CDS2: variants seen among roughly 807,000 people sequenced by gnomAD.
CDS2 encodes CDP-diacylglycerol synthase 2.
A neutral mutation model predicts 59.0 loss-of-function variants in CDS2; 47 were observed. The observed-to-expected ratio is 0.80, with a 90% CI of 0.63 to 1.02. The LOEUF is 1.02. Among genes scored for constraint, CDS2 ranks in the 50% least tolerant of loss-of-function variants. CDS2 has a pLI of 0.00. For synonymous variants in CDS2, 207 were observed against 206.4 expected, an observed-to-expected ratio of 1.00 and a Z score of -0.02; for missense variants, 356 against 558.9, an observed-to-expected ratio of 0.64 and a Z score of 3.66.
intron 8 of CDS2, among the ~76,000 whole-genome samples, chr20:5,185,182 A>G (rs1026950977): frequency 2.6e-5 from 4 of 151,714 alleles, no homozygotes; most frequent in African/African-American, 9.7e-5. Flanking sequence ...GCACTATGGG[A>G]TGCTGAGGCA....
In CDS2 at chr20:5,173,537, A is replaced by C; in HGVS notation, c.72A>C (p.Glu24Asp). The change falls in exon 2 of 13, where the codon GAA becomes GAC. Residue 24 changes from glutamate to aspartate, a missense_variant. Around this residue, in one of 5 missense-constraint regions of CDS2, gnomAD observed 107 missense variants for 129.7 expected, o/e 0.82. Transcript: ENST00000460006. ...APPEDKESES[E>D]AKVDGETASD... ...CTGCCACTTAGGAGTCAGAGTCAGA[A>C]GCAAAGGTAGATGGAGAGACTGCAT... The C allele has an allele frequency of 6.2e-7, 1 of 1,614,184 alleles. No homozygotes were observed. Among genetic ancestry groups the C allele is most frequent in the Non-Finnish European group, 8.5e-7 (1 of 1,180,000 alleles).
rs954832143 is a variant in CDS2, at chr20:5,194,084, C to T, written c.*3850C>T. 2.0e-5 allele frequency: 3 copies of T among 152,240 alleles called. No individual in the cohort carries two copies. Among genetic ancestry groups the T allele is most frequent in the South Asian group, 2.1e-4 (1 of 4,830 alleles). The allele number at this position is 152,240 out of a possible 1,614,324, so 9.4% of individuals were successfully genotyped here. A position where few individuals can be genotyped will look rare whatever the true frequency, so the allele number is the denominator to read the frequency against. The stretch of plus-strand genomic sequence containing the variant: ...GGACTCTCACTTGTGCTTTGGAACA[C>T]TGGACTCCAAAGAGCAGGTGGAACA... On this transcript the variant is annotated 3_prime_UTR_variant, in exon 13 of 13. Transcript: ENST00000460006.
In CDS2 at chr20:5,135,806, T is replaced by C. The variant is rs553018829; in HGVS notation, c.57+8657T>C. Among the ~76,000 whole-genome samples the C allele has an allele frequency of 6.6e-5, 10 of 152,340 alleles. No homozygotes were observed. The South Asian group carries it at 1.2e-3, about 19-fold the overall frequency. On this transcript the variant is annotated intron_variant, in intron 1 of 12. Coordinates refer to ENST00000460006, the MANE Select transcript of CDS2 (RefSeq NM_003818.4). ...TAGGCAGTCTGTGGTGCAGAATTTG[T>C]AGGCAGCAAAGGGTATTCTGTGAAG...
rs1252269643 is a variant in CDS2 at position 5,173,585 on chromosome 20, A to G, written c.120A>G (p.Glu40=). 6.2e-7 allele frequency: 1 copy of G among 1,614,114 alleles called. No homozygotes were observed. The highest frequency in any genetic ancestry group is 8.5e-7 in the Non-Finnish European group (1 of 1,180,018). ...ETASDSESRA[E]SAPLPVSADD... is the part of the protein sequence containing the mutation. ...CATCGGACAGTGAGAGCCGGGCAGAATCCGCACCCCTGCCAGTCTCTGCAG... is the reference window on the plus strand; with the variant it reads ...CATCGGACAGTGAGAGCCGGGCAGAGTCCGCACCCCTGCCAGTCTCTGCAG... Residue 40 remains glutamate (E), a synonymous_variant, in exon 2 of 13, where the codon GAA becomes GAG. Coordinates refer to ENST00000460006, the MANE Select transcript of CDS2 (RefSeq NM_003818.4).
rs1347764445 is a variant in CDS2 at position 5,186,734 on chromosome 20, G to A, written c.876G>A (p.Glu292=). ...ACAGATGCTTTGTCTGCCCTGTGGA[G>A]TACAACAATGACACCAACAGCTTCA... ...SGYRCFVCPV[E]YNNDTNSFTV... The change falls in exon 10 of 13, where the codon GAG becomes GAA. Residue 292 remains glutamate, a synonymous_variant. Transcript: ENST00000460006. 1 of 1,614,118 alleles carries A rather than the reference G, an allele frequency of 6.2e-7. No homozygotes were observed. The highest frequency in any genetic ancestry group is 8.5e-7 in the Non-Finnish European group (1 of 1,180,004).
chr20:5,131,577 A>C (rs1321987054), intron 1 of CDS2, among the ~76,000 whole-genome samples: 1 of 152,238 alleles, frequency 6.6e-6, no homozygotes, highest in Non-Finnish European at 1.5e-5. Flanking sequence ...CTGAAGTGCT[A>C]TTTAAATTAG....
chr20:5,155,698 T>C (rs1432169289), intron 1 of CDS2, among the ~76,000 whole-genome samples: 1 of 152,246 alleles, frequency 6.6e-6, no homozygotes, highest in Non-Finnish European at 1.5e-5. Context: ...CTTAGTCATA[T>C]CTTTTGCCAT....
chr20:5,170,494 G>A (rs773751371), intron 1 of CDS2, among the ~76,000 whole-genome samples: 40 of 152,366 alleles, frequency 2.6e-4, no homozygotes, highest in African/African-American at 5.5e-4. Context: ...TCCCTTTGGC[G>A]TCCACAGGAC....
chr20:5,162,461 A>G (rs1014916803), intron 1 of CDS2, among the ~76,000 whole-genome samples: 4 of 152,172 alleles, frequency 2.6e-5, no homozygotes, highest in African/African-American at 9.7e-5. Context: ...CATGCTGTCA[A>G]CTGATTGACT....
chr20:5,169,055 C>T (rs1235016581), intron 1 of CDS2, among the ~76,000 whole-genome samples: 8 of 152,178 alleles, frequency 5.3e-5, no homozygotes, highest in Admixed American at 5.2e-4. Context: ...CTGTGTAAAC[C>T]AAAAGGGGTG....
intron 1 of CDS2, among the ~76,000 whole-genome samples, chr20:5,141,604 T>C (rs1217405070): frequency 2.0e-5 from 3 of 152,144 alleles, no homozygotes; most frequent in Non-Finnish European, 2.9e-5. Context: ...TATATTTGTA[T>C]CCAATATACA....
At chr20:5,143,598 A>G (rs2122974631) in intron 1 of CDS2, among the ~76,000 whole-genome samples, 1 of 149,454 alleles carries the variant, frequency 6.7e-6, no homozygotes, top group East Asian at 2.0e-4. Context: ...CTCTGCTTTC[A>G]GTTCTTTTTC....
chr20:5,163,787 CT>C (rs1568536682), intron 1 of CDS2, among the ~76,000 whole-genome samples: 1 of 115,896 alleles, frequency 8.6e-6, no homozygotes, highest in Non-Finnish European at 1.8e-5. Context: ...TAATTTCTTT[CT>C]TTCTTTTTTT....
rs1034380638 is a variant in CDS2 at position 5,149,747 on chromosome 20, G to C, written c.57+22598G>C. Among the ~76,000 whole-genome samples, 5 of 151,328 alleles carry C rather than the reference G, an allele frequency of 3.3e-5. No homozygotes were observed. In the South Asian group the frequency reaches 6.3e-4, roughly 19 times the overall value. On this transcript the variant is annotated intron_variant, in intron 1 of 12. Coordinates refer to ENST00000460006, the MANE Select transcript of CDS2 (RefSeq NM_003818.4). ...TTTTGTTTTTTTGAGACAGAACGTC[G>C]CTCTTTTGCCGAGGCTGGAGTGAAG...
chr20:5,149,729 T>G (rs2090773511), intron 1 of CDS2, among the ~76,000 whole-genome samples: 1 of 150,982 alleles, frequency 6.6e-6, no homozygotes, highest in Non-Finnish European at 1.5e-5. Flanking sequence ...GTTTTTTGTT[T>G]TTTTGAGACA....
chr20:5,192,496 G>C lies in CDS2; in HGVS notation c.*2262G>C, dbSNP rs1003669619. ...AGGATTTTTTGTCAGGTAGCTAGGA[G>C]AGCACTGCCACCTTGTGTCCATATA... On this transcript the variant is annotated 3_prime_UTR_variant, in exon 13 of 13. Transcript: ENST00000460006. The C allele has an allele frequency of 1.3e-5, 2 of 152,382 alleles. No individual in the cohort carries two copies. Among genetic ancestry groups the C allele is most frequent in the Admixed American group, 6.5e-5 (1 of 15,284 alleles). 9.4% of individuals were successfully genotyped at this position (152,382 alleles called of 1,614,324 possible).
chr20:5,185,896 TC>T, intron 9 of CDS2, 70 bp downstream of exon 9: 1 of 1,425,516 alleles, frequency 7.0e-7, no homozygotes, highest in Non-Finnish European at 9.9e-7. Context: ...CCAAGGCCTG[TC>T]CAGAGCTGGA....
intron 1 of CDS2, among the ~76,000 whole-genome samples, chr20:5,171,658 C>T (rs1024959612): frequency 1.3e-5 from 2 of 152,192 alleles, no homozygotes; most frequent in African/African-American, 4.8e-5. Flanking sequence ...GGAGACCTTA[C>T]TGTGTTTCAG....
chr20:5,192,126 G>A lies in CDS2; in HGVS notation c.*1892G>A, dbSNP rs568708137. ...ATAACGAAACTGTAGTTTTCAGATT[G>A]AAGAATGAACCTGGATCACCAAACT... On this transcript the variant is annotated 3_prime_UTR_variant, in exon 13 of 13. Transcript: ENST00000460006. 45 of 152,316 alleles carry A rather than the reference G, an allele frequency of 3.0e-4. No homozygotes were observed. The highest frequency in any genetic ancestry group is 9.6e-4 in the African/African-American group (40 of 41,552). The allele number at this position is 152,316 out of a possible 1,614,324, so 9.4% of individuals were successfully genotyped here.
Sources: allele counts gnomAD v4.1 joint callset (sites outside exome capture counted in the v4.1 genomes callset), GRCh38; gene constraint gnomAD v4.1.1; regional missense constraint gnomAD v4.1.1; transcripts MANE v1.5; gene names NCBI Gene and HGNC (gene_info 2026-07-23, HGNC 2026-07-21).